Variants in RNF220 observed in about 807,000 individuals in gnomAD.
RNF220 encodes the protein E3 ubiquitin-protein ligase RNF220.
Under a neutral mutation model 67.1 loss-of-function variants are expected in RNF220, and 7 were observed. The observed-to-expected ratio is 0.10, with a 90% CI of 0.06 to 0.20. The LOEUF is 0.20. Among genes scored for constraint, RNF220 ranks in the 10% least tolerant of loss-of-function variants. RNF220 has a pLI of 1.00. For synonymous variants in RNF220, 270 were observed against 283.2 expected, an observed-to-expected ratio of 0.95 and a Z score of 0.47; for missense variants, 565 against 740.3, an observed-to-expected ratio of 0.76 and a Z score of 2.75.
At chr1:44,512,098 T>C (rs544296110) in intron 2 of RNF220, among the ~76,000 whole-genome samples, 44 of 152,272 alleles carry the variant, frequency 2.9e-4, no homozygotes, top group Admixed American at 2.2e-3. Flanking sequence ...GGTATGTAAA[T>C]GAAAACTGCA....
intron 2 of RNF220, among the ~76,000 whole-genome samples, chr1:44,485,881 G>A (rs1009626242): frequency 6.6e-6 from 1 of 151,536 alleles, no homozygotes. Flanking sequence ...GGATAAAATA[G>A]GGGAACCGTG....
At chr1:44,470,081 A>T (rs1654669958) in intron 2 of RNF220, among the ~76,000 whole-genome samples, 1 of 152,204 alleles carries the variant, frequency 6.6e-6, no homozygotes, top group African/African-American at 2.4e-5. Context: ...GCAGATGTGC[A>T]GAGGTGAGTA....
intron 2 of RNF220, among the ~76,000 whole-genome samples, chr1:44,461,835 A>G (rs1197542306): frequency 6.6e-6 from 1 of 152,200 alleles, no homozygotes; most frequent in African/African-American, 2.4e-5. Flanking sequence ...TGGCTGGTCA[A>G]AATGAAACCT....
intron 2 of RNF220, among the ~76,000 whole-genome samples, chr1:44,612,164 G>A (rs1303803407): frequency 2.0e-5 from 3 of 152,234 alleles, no homozygotes; most frequent in Non-Finnish European, 4.4e-5. Flanking sequence ...GAAGCCTCCT[G>A]GATGGCTGGA....
intron 2 of RNF220, among the ~76,000 whole-genome samples, chr1:44,502,052 AAC>A (rs56978327): frequency 0.23 from 27,731 of 119,866 alleles, 3,295 homozygotes; most frequent in East Asian, 0.32. Context: ...ACACCACTGA[AAC>A]ACACACACAC....
chr1:44,615,036 G>C (rs1046073265), intron 3 of RNF220, among the ~76,000 whole-genome samples: 4 of 152,146 alleles, frequency 2.6e-5, no homozygotes, highest in African/African-American at 9.7e-5. Flanking sequence ...CTGGGAGCTG[G>C]GTCATGTGAA....
At chr1:44,625,649 C>T (rs753953112) in intron 4 of RNF220, among the ~76,000 whole-genome samples, 2 of 152,150 alleles carry the variant, frequency 1.3e-5, no homozygotes, top group Non-Finnish European at 2.9e-5. Context: ...AGCGGGCTCT[C>T]AGGCAGAATG....
chr1:44,599,090 A>G (rs555041998), intron 2 of RNF220, among the ~76,000 whole-genome samples: 2 of 152,264 alleles, frequency 1.3e-5, no homozygotes, highest in African/African-American at 4.8e-5. Flanking sequence ...TGAGTGTTCC[A>G]GGATGAATCA....
At chr1:44,569,368 A>T (rs905042580) in intron 2 of RNF220, among the ~76,000 whole-genome samples, 3 of 152,244 alleles carry the variant, frequency 2.0e-5, no homozygotes, top group African/African-American at 7.2e-5. Context: ...GGAAAATTAC[A>T]CGTAACATTG....
intron 2 of RNF220, among the ~76,000 whole-genome samples, chr1:44,522,655 G>C (rs952630252): frequency 2.6e-5 from 4 of 151,990 alleles, no homozygotes; most frequent in African/African-American, 7.3e-5. Context: ...ATCCCTCCTG[G>C]GGGGGCGGGG....
Position 44,417,451 on chromosome 1 carries a change from G to GGCTT in RNF220, c.625+4731_625+4734dup, listed in dbSNP as rs1005484793. Among the ~76,000 whole-genome samples the GGCTT allele has an allele frequency of 2.6e-5, 4 of 152,248 alleles. No individual in the cohort carries two copies. Among genetic ancestry groups the GGCTT allele is most frequent in the African/African-American group, 9.6e-5 (4 of 41,468 alleles). ...TGATGGCTGCAGAGCCATCTGGCCTGGCTTGGCTTGGCTCGGCGCGCCGCT... is the reference window on the plus strand; with the variant it reads ...TGATGGCTGCAGAGCCATCTGGCCTGGCTTGCTTGGCTTGGCTCGGCGCGCCGCT... On this transcript the variant is annotated intron_variant, in intron 2 of 14. Transcript: ENST00000361799. The surrounding 1 kb of genome is among the most constrained non-coding windows in gnomAD (Gnocchi z 4.0).
chr1:44,575,733 C>T (rs1024636015), intron 2 of RNF220, among the ~76,000 whole-genome samples: 12 of 152,168 alleles, frequency 7.9e-5, no homozygotes, highest in African/African-American at 2.9e-4. Context: ...TTATGGAAAA[C>T]GATATGGAGA....
intron 2 of RNF220, among the ~76,000 whole-genome samples, chr1:44,505,932 T>A (rs1658377519): frequency 6.6e-6 from 1 of 152,038 alleles, no homozygotes; most frequent in Admixed American, 6.6e-5. Flanking sequence ...CCTACTCTGG[T>A]TGGGAGAATC....
intron 1 of RNF220, among the ~76,000 whole-genome samples, chr1:44,409,936 A>G (rs1318700387): frequency 1.3e-5 from 2 of 152,216 alleles, no homozygotes; most frequent in African/African-American, 2.4e-5. Context: ...ATGGAGACCA[A>G]CGCCCACGCA....
chr1:44,501,886 T>A (rs1174089101), intron 2 of RNF220, among the ~76,000 whole-genome samples: 1 of 152,088 alleles, frequency 6.6e-6, no homozygotes, highest in Non-Finnish European at 1.5e-5. Context: ...AGCATAAAAA[T>A]GTGGAGCTAT....
At chr1:44,444,846 G>C in intron 2 of RNF220, among the ~76,000 whole-genome samples, 1 of 152,152 alleles carries the variant, frequency 6.6e-6, no homozygotes, top group East Asian at 1.9e-4. Flanking sequence ...TGTGTATCCT[G>C]GTGTACAGGG....
intron 2 of RNF220, among the ~76,000 whole-genome samples, chr1:44,460,568 G>C (rs1238692003): frequency 6.6e-6 from 1 of 152,166 alleles, no homozygotes; most frequent in African/African-American, 2.4e-5. Context: ...AGAGTTCTTC[G>C]ATCATTGAGG....
Position 44,636,271 on chromosome 1 carries a change from TCCA to T in RNF220, c.1126+114_1126+116del. The stretch of plus-strand genomic sequence containing the variant: ...GGCTGGTGGCTGGTCATCCATCCGT[TCCA>T]CCACGTGGGGACTGCTGCTGGTGGG... On this transcript the variant is annotated intron_variant, in intron 8 of 14. Coordinates refer to ENST00000361799, the MANE Select transcript of RNF220 (RefSeq NM_018150.4). The T allele has an allele frequency of 1.4e-6, 2 of 1,437,480 alleles. 1 individual carries two copies. The highest frequency in any genetic ancestry group is 2.4e-5 in the South Asian group (2 of 82,790). The allele number at this position is 1,437,480 out of a possible 1,614,324, so 89.0% of individuals were successfully genotyped here. A position where few individuals can be genotyped will look rare whatever the true frequency, so the allele number is the denominator to read the frequency against.
chr1:44,425,832 CAA>C (rs1344953202), intron 2 of RNF220, among the ~76,000 whole-genome samples: 1 of 152,180 alleles, frequency 6.6e-6, no homozygotes, highest in Admixed American at 6.5e-5. Flanking sequence ...ACGTCTGTCT[CAA>C]GAGCAAAATG....
Sources: allele counts gnomAD v4.1 joint callset (sites outside exome capture counted in the v4.1 genomes callset), GRCh38; gene constraint gnomAD v4.1.1; non-coding constraint Gnocchi (gnomAD v3.1); transcripts MANE v1.5; gene names NCBI Gene and HGNC (gene_info 2026-07-23, HGNC 2026-07-21).